The following MAN1B1 variants were observed in gnomAD, a reference collection of about 807,000 sequenced individuals.
MAN1B1 encodes mannosidase alpha class 1B member 1.
In MAN1B1, 66 loss-of-function variants were observed where a neutral mutation model predicts 75.5. The observed-to-expected ratio is 0.87, with a 90% CI of 0.72 to 1.07. MAN1B1 has a LOEUF of 1.07. Ranked by LOEUF, MAN1B1 falls within the 50% of genes least tolerant of loss-of-function variation. The pLI, the probability that MAN1B1 is intolerant of heterozygous loss-of-function variation, is 0.00. For missense variants in MAN1B1, 973 were observed against 912.5 expected (o/e 1.07, Z -0.85); for synonymous variants, 453 against 382.8 (o/e 1.18, Z -2.14).
intron 12 of MAN1B1, chr9:137,107,927 G>A (rs1026617258): frequency 4.6e-6 from 3 of 645,622 alleles, no homozygotes; most frequent in Non-Finnish European, 8.5e-6. Context: ...GTCTAGGGAG[G>A]GTCTCTGCTG....
At chr9:137,088,456 A>G in intron 2 of MAN1B1, 1 of 1,523,706 alleles carries the variant, frequency 6.6e-7, no homozygotes, top group Non-Finnish European at 8.8e-7. Context: ...GGGCTTGAAC[A>G]CTCAGCCTAA....
chr9:137,108,529 A>G lies in MAN1B1; in HGVS notation c.2038A>G (p.Ser680Gly). The change falls in exon 13 of 13, where the codon AGC becomes GGC. Residue 680 changes from serine (S) to glycine (G), a missense_variant. Ser to Gly is a moderately conservative substitution (Grantham distance 56). Coordinates refer to ENST00000371589, the MANE Select transcript of MAN1B1 (RefSeq NM_016219.5). The part of the protein sequence containing the change: ...LLFSDDPNLL[S>G]LDAYVFNTEA... Reference sequence around the variant, plus strand: ...CTTCTCCGATGACCCAAACCTGCTCAGCCTGGATGCCTACGTGTTCAACAC... The same window carrying G: ...CTTCTCCGATGACCCAAACCTGCTCGGCCTGGATGCCTACGTGTTCAACAC... 6.2e-7 allele frequency: 1 copy of G among 1,613,994 alleles called. No individual in the cohort carries two copies. The highest frequency in any genetic ancestry group is 8.5e-7 in the Non-Finnish European group (1 of 1,180,018).
chr9:137,106,541 G>A, intron 9 of MAN1B1, 148 bp from the exon 10 acceptor site: 1 of 1,305,600 alleles, frequency 7.7e-7, no homozygotes, highest in Non-Finnish European at 1.1e-6. Context: ...TCTTCACTGA[G>A]GGCCATGGGC....
chr9:137,093,381 AAAAAG>A (rs1830567166), intron 3 of MAN1B1, among the ~76,000 whole-genome samples: 1 of 152,064 alleles, frequency 6.6e-6, no homozygotes, highest in African/African-American at 2.4e-5. Context: ...CTCAGTCTCG[AAAAAG>A]AAAAGAAAAG....
intron 5 of MAN1B1, among the ~76,000 whole-genome samples, chr9:137,099,375 G>A (rs1830744223): frequency 3.9e-5 from 6 of 152,250 alleles, no homozygotes. Flanking sequence ...TTGGCCAGAG[G>A]CCACCGAGGC....
At chr9:137,099,600 C>T (rs1830749230) in intron 5 of MAN1B1, 96 bp from the exon 6 acceptor site, 1 of 1,360,756 alleles carries the variant, frequency 7.3e-7, no homozygotes, top group African/African-American at 1.4e-5. Context: ...CATCTTTGCC[C>T]CATGGGGGTC....
At chr9:137,102,607 C>G (rs1373543810) in intron 8 of MAN1B1, 8 of 430,646 alleles carry the variant, frequency 1.9e-5, no homozygotes, top group Non-Finnish European at 3.6e-5. Flanking sequence ...CACGCTGTTG[C>G]AAGCGTGCAG....
intron 3 of MAN1B1, among the ~76,000 whole-genome samples, chr9:137,091,097 C>T (rs543799098): frequency 1.7e-4 from 26 of 152,308 alleles, no homozygotes; most frequent in African/African-American, 5.8e-4. Context: ...CCACACTCTT[C>T]GGTGTGAGGA....
intron 3 of MAN1B1, among the ~76,000 whole-genome samples, chr9:137,092,073 A>G (rs1830530186): frequency 1.3e-5 from 2 of 152,052 alleles, no homozygotes. Flanking sequence ...AACACTTGGT[A>G]TATGTCTTTC....
intron 2 of MAN1B1, 85 bp from the exon 3 acceptor site, chr9:137,088,784 T>G (rs944737793): frequency 7.1e-7 from 1 of 1,401,724 alleles, no homozygotes; most frequent in Non-Finnish European, 1.0e-6. Context: ...TAATGGATAG[T>G]GCCTGCCAAG....
At chr9:137,102,540 CGGT>C (rs1830885244) in intron 8 of MAN1B1, 28 of 415,210 alleles carry the variant, frequency 6.7e-5, no homozygotes, top group South Asian at 4.1e-4. Flanking sequence ...GCGTGCAGGT[CGGT>C]GGTGTTACAC....
Position 137,087,163 on chromosome 9 carries a change from G to C in MAN1B1, c.164G>C (p.Ser55Thr), listed in dbSNP as rs768169999. ...CGGGACTTCATCTCGGTGACGCTGA[G>C]CTTTGGCGAGAACTATGACAACAGC... ...PHRDFISVTL[S>T]FGENYDNSKS... The change falls in exon 1 of 13, where the codon AGC becomes ACC. Residue 55 changes from serine (S) to threonine (T), a missense_variant. By Grantham distance (58) the Ser-to-Thr change is moderately conservative (BLOSUM62 1). Coordinates refer to ENST00000371589, the MANE Select transcript of MAN1B1 (RefSeq NM_016219.5). The C allele has an allele frequency of 5.6e-6, 9 of 1,595,060 alleles. No individual in the cohort carries two copies. In the Admixed American group the frequency reaches 1.6e-4, roughly 28 times the overall value.
rs768346656 is a variant in MAN1B1 at position 137,102,709 on chromosome 9, TACAC to T, written c.1254+1041_1254+1044del. On this transcript the variant is annotated intron_variant, in intron 8 of 12. Transcript: ENST00000371589. ...TTGCAGACATGCAGGTCGGTGCTGT[TACAC>T]ACATTCATGCTGTTGCAGGCGTGCA... is the stretch of plus-strand genomic sequence containing the variant. 233 of 439,256 alleles carry T rather than the reference TACAC, an allele frequency of 5.3e-4. 1 individual carries two copies. Among genetic ancestry groups the T allele is most frequent in the South Asian group, 1.2e-3 (79 of 63,286 alleles). The allele number at this position is 439,256 out of a possible 1,614,324, so 27.2% of individuals were successfully genotyped here.
intron 3 of MAN1B1, among the ~76,000 whole-genome samples, chr9:137,095,350 T>C (rs1830624596): frequency 6.6e-6 from 1 of 151,156 alleles, no homozygotes; most frequent in African/African-American, 2.4e-5. Context: ...TGCCCAGCCA[T>C]AAGTAAGCAT....
chr9:137,098,662 C>G (rs182544688), intron 5 of MAN1B1, among the ~76,000 whole-genome samples: 1 of 152,250 alleles, frequency 6.6e-6, no homozygotes, highest in East Asian at 1.9e-4. Context: ...CAGAACCTTT[C>G]CTGAGAGGAC....
chr9:137,097,258 T>C (rs542571372), intron 4 of MAN1B1, among the ~76,000 whole-genome samples: 2 of 152,348 alleles, frequency 1.3e-5, no homozygotes, highest in Non-Finnish European at 2.9e-5. Flanking sequence ...CATCTGTGGT[T>C]GTAAGAGGCC....
At position 137,109,004 on chromosome 9, in the gene MAN1B1, T is replaced by C. The variant is rs758832820; in HGVS notation, c.*413T>C. 4.3e-6 allele frequency: 2 copies of C among 460,364 alleles called. No individual in the cohort carries two copies. Among genetic ancestry groups the C allele is most frequent in the South Asian group, 1.5e-5 (1 of 64,570 alleles). The allele number at this position is 460,364 out of a possible 1,614,324, so 28.5% of individuals were successfully genotyped here. On this transcript the variant is annotated 3_prime_UTR_variant, in exon 13 of 13. Coordinates refer to ENST00000371589, the MANE Select transcript of MAN1B1 (RefSeq NM_016219.5). ...CCCCAATCCAAGGGTCTGGAGGGGC[T>C]GCCGTGACTCCAGAGGCCTGAGGCT...
chr9:137,101,024 G>C lies in MAN1B1; in HGVS notation c.936G>C (p.Lys312Asn). Residue 312 changes from lysine (K) to asparagine (N), a missense_variant, in exon 7 of 13, where the codon AAG becomes AAC. Physicochemically the swap from Lys to Asn is moderately conservative, Grantham distance 94. Coordinates refer to ENST00000371589, the MANE Select transcript of MAN1B1 (RefSeq NM_016219.5). ...TCATAGAATTTGAGGAAGCCAGGAA[G>C]TGGGTGTCGAAGAAGTTACACTTTG... ...GLRKEFEEAR[K>N]WVSKKLHFEK... 4.3e-6 allele frequency: 7 copies of C among 1,614,222 alleles called. No homozygotes were observed. Among genetic ancestry groups the C allele is most frequent in the Non-Finnish European group, 5.1e-6 (6 of 1,180,042 alleles).
At position 137,108,466 on chromosome 9, in the gene MAN1B1, T is replaced by TAGAA. The variant is rs1183253956; in HGVS notation, c.1975_1976insAGAA (p.Phe659Ter). 3 of 1,613,928 alleles carry TAGAA rather than the reference T, an allele frequency of 1.9e-6. No individual in the cohort carries two copies. Among genetic ancestry groups the TAGAA allele is most frequent in the Non-Finnish European group, 2.5e-6 (3 of 1,179,970 alleles). On this transcript the variant is annotated stop_gained and frameshift_variant, in exon 13 of 13. Coordinates refer to ENST00000371589, the MANE Select transcript of MAN1B1 (RefSeq NM_016219.5). LOFTEE classifies it high-confidence loss of function. ...CGAGCCTAGGGACAAGATGGAGAGC[T>TAGAA]TCTTCCTGGGGGAGACGCTCAAGTA...
Sources: allele counts gnomAD v4.1 joint callset (sites outside exome capture counted in the v4.1 genomes callset), GRCh38; gene constraint gnomAD v4.1.1; transcripts MANE v1.5; gene names NCBI Gene and HGNC (gene_info 2026-07-23, HGNC 2026-07-21).